The following CSNK1G1 variants were observed in gnomAD, a reference collection of about 807,000 sequenced individuals.
The protein encoded by CSNK1G1 is casein kinase 1 gamma 1.
A neutral mutation model predicts 59.6 loss-of-function variants in CSNK1G1; 22 were observed. The ratio of observed to expected loss-of-function variants is 0.37; its 90% confidence interval spans 0.26 to 0.53. CSNK1G1 has a LOEUF of 0.53. Ranked by LOEUF, CSNK1G1 falls within the 20% of genes least tolerant of loss-of-function variation. The probability of loss-of-function intolerance (pLI) is 0.89; values close to 1 mark genes in which losing one functional copy is unlikely to be tolerated. For synonymous variants in CSNK1G1, 179 were observed against 177.1 expected (o/e 1.01, Z -0.08); for missense variants, 384 against 519.5 (o/e 0.74, Z 2.54).
intron 3 of CSNK1G1, among the ~76,000 whole-genome samples, chr15:64,256,682 G>A (rs1892391290): frequency 6.6e-6 from 1 of 152,188 alleles, no homozygotes; most frequent in Admixed American, 6.5e-5. Context: ...AAATGTGGGT[G>A]ATGGATAAAG....
Position 64,200,773 on chromosome 15 carries a change from C to T in CSNK1G1, c.1107+2309G>A, listed in dbSNP as rs79432440. Among the ~76,000 whole-genome samples the T allele has an allele frequency of 0.012, 1,887 of 152,326 alleles. 29 individuals are homozygous for T. The highest frequency in any genetic ancestry group is 0.044 in the African/African-American group (1,824 of 41,546). ...GCTTATTTCCCCATCCCGTCCAGCT[C>T]ACTTTACTATAACCCAGTTTATTCA... On this transcript the variant is annotated intron_variant, in intron 10 of 11. Transcript: ENST00000303052. This position sits in a 1 kb window ranked among gnomAD's most constrained non-coding sequence, Gnocchi z 4.3.
intron 1 of CSNK1G1, among the ~76,000 whole-genome samples, chr15:64,329,031 T>C (rs1162766038): frequency 6.8e-6 from 1 of 147,364 alleles, no homozygotes; most frequent in Non-Finnish European, 1.5e-5. Context: ...AAGCAAGTCC[T>C]GAGTGACCTA....
intron 4 of CSNK1G1, among the ~76,000 whole-genome samples, chr15:64,224,024 C>G (rs983364314): frequency 3.7e-4 from 56 of 152,310 alleles, no homozygotes; most frequent in African/African-American, 1.3e-3. Flanking sequence ...AGGTTGAGAA[C>G]TGAAATAGAA....
At position 64,339,360 on chromosome 15, in the gene CSNK1G1, G is replaced by T. The variant is rs1192145881; in HGVS notation, c.-225+16628C>A. Among the ~76,000 whole-genome samples, 4 of 152,016 alleles carry T rather than the reference G, an allele frequency of 2.6e-5. No individual in the cohort carries two copies. In the South Asian group the frequency reaches 6.2e-4, roughly 24 times the overall value. On this transcript the variant is annotated intron_variant, in intron 1 of 11. Transcript: ENST00000303052. Reference sequence around the variant, plus strand: ...TAGAGTCTCACTCTCTCGCCCAAGGGGGAGTGCAGTGGCACAATCTCCGCT... The same window carrying T: ...TAGAGTCTCACTCTCTCGCCCAAGGTGGAGTGCAGTGGCACAATCTCCGCT...
At position 64,168,932 on chromosome 15, in the gene CSNK1G1, G is replaced by A. The variant is rs772650442; in HGVS notation, c.*2999C>T. On this transcript the variant is annotated 3_prime_UTR_variant, in exon 12 of 12. Coordinates refer to ENST00000303052, the MANE Select transcript of CSNK1G1 (RefSeq NM_022048.5). ...GATCACCATTACTCTGCATGCTAAA[G>A]GGACCTGGGATTCTTTACCCTTGTT... 1.3e-5 allele frequency: 2 copies of A among 152,590 alleles called. No individual in the cohort carries two copies. Among genetic ancestry groups the A allele is most frequent in the Non-Finnish European group, 2.9e-5 (2 of 68,050 alleles). The allele number at this position is 152,590 out of a possible 1,614,324, so 9.5% of individuals were successfully genotyped here.
chr15:64,323,187 A>T (rs1020544478), intron 1 of CSNK1G1, among the ~76,000 whole-genome samples: 6 of 152,142 alleles, frequency 3.9e-5, no homozygotes, highest in Admixed American at 3.3e-4. Flanking sequence ...TTGGCCTCGC[A>T]AAGTGCTAGG....
chr15:64,247,519 AC>A (rs1891823103), intron 4 of CSNK1G1, among the ~76,000 whole-genome samples: 1 of 152,244 alleles, frequency 6.6e-6, no homozygotes, highest in African/African-American at 2.4e-5. Context: ...TAATCAAGAA[AC>A]AAAGCTTGAA....
chr15:64,184,712 T>C (rs1013800421), intron 10 of CSNK1G1, among the ~76,000 whole-genome samples: 3 of 149,782 alleles, frequency 2.0e-5, no homozygotes, highest in African/African-American at 4.9e-5. Context: ...ATACTTCAAA[T>C]AGACATTTAT....
intron 2 of CSNK1G1, among the ~76,000 whole-genome samples, chr15:64,273,435 G>T (rs1893435350): frequency 6.6e-6 from 1 of 152,118 alleles, no homozygotes; most frequent in South Asian, 2.1e-4. Flanking sequence ...GAAGATGATA[G>T]AATATGTGTA....
intron 2 of CSNK1G1, among the ~76,000 whole-genome samples, chr15:64,272,260 G>C (rs998854947): frequency 6.6e-6 from 1 of 151,432 alleles, no homozygotes; most frequent in East Asian, 1.9e-4. Context: ...CTGTCGCCCA[G>C]GCTGGAGTGC....
intron 2 of CSNK1G1, among the ~76,000 whole-genome samples, chr15:64,262,183 G>A (rs973633311): frequency 6.6e-6 from 1 of 152,204 alleles, no homozygotes; most frequent in Admixed American, 6.5e-5. Context: ...CATCTAAGAT[G>A]AGCAACCTCA....
At chr15:64,244,359 GAAAA>G (rs1891639331) in intron 4 of CSNK1G1, among the ~76,000 whole-genome samples, 1 of 119,994 alleles carries the variant, frequency 8.3e-6, no homozygotes, top group Non-Finnish European at 1.7e-5. Flanking sequence ...GAAGGAAACT[GAAAA>G]ATTAAAAAAA....
At chr15:64,278,207 T>C (rs1893859884) in intron 2 of CSNK1G1, among the ~76,000 whole-genome samples, 1 of 150,436 alleles carries the variant, frequency 6.6e-6, no homozygotes, top group African/African-American at 2.4e-5. Context: ...CCACCACTCT[T>C]GGCTAATTTT....
At chr15:64,182,754 C>CATA (rs1454868770) in intron 10 of CSNK1G1, among the ~76,000 whole-genome samples, 1 of 152,164 alleles carries the variant, frequency 6.6e-6, no homozygotes, top group East Asian at 1.9e-4. Flanking sequence ...ATGGCAAAAT[C>CATA]TTAATAATTC....
At chr15:64,229,035 A>AAG (rs1227209456) in intron 4 of CSNK1G1, among the ~76,000 whole-genome samples, 3 of 151,338 alleles carry the variant, frequency 2.0e-5, no homozygotes, top group Non-Finnish European at 4.4e-5. Flanking sequence ...AAAAAAAAAA[A>AAG]AAAGAAAAAG....
chr15:64,209,214 T>C (rs1284102134), intron 6 of CSNK1G1, among the ~76,000 whole-genome samples: 3 of 152,196 alleles, frequency 2.0e-5, no homozygotes, highest in Non-Finnish European at 2.9e-5. Context: ...TATGTGTTTA[T>C]TTTTCAGAAT....
chr15:64,321,011 T>C (rs575702686), intron 1 of CSNK1G1, among the ~76,000 whole-genome samples: 1 of 152,088 alleles, frequency 6.6e-6, no homozygotes, highest in Admixed American at 6.6e-5. Flanking sequence ...ACAATACAAA[T>C]TCGTAATATA....
chr15:64,259,729 T>C (rs1243128879), intron 2 of CSNK1G1, among the ~76,000 whole-genome samples: 1 of 152,140 alleles, frequency 6.6e-6, no homozygotes, highest in Non-Finnish European at 1.5e-5. Context: ...ATAAAACCAA[T>C]TATTGCCCAA....
chr15:64,266,029 A>G (rs1596185800), intron 2 of CSNK1G1: 1 of 273,598 alleles, frequency 3.7e-6, no homozygotes, highest in Non-Finnish European at 7.5e-6. Context: ...AGATCATGTC[A>G]CTACACTCCA....
Sources: gnomAD v4.1 joint callset for allele counts (sites outside exome capture counted in the v4.1 genomes callset) on GRCh38, gnomAD v4.1.1 for gene constraint, Gnocchi (gnomAD v3.1) non-coding constraint, MANE v1.5 for transcripts, NCBI Gene and HGNC (gene_info 2026-07-23, HGNC 2026-07-21) for gene names.